MAMDC2: variants seen among roughly 807,000 people sequenced by gnomAD.
MAMDC2 encodes the protein MAM domain containing 2.
In MAMDC2, 57 loss-of-function variants were observed where a neutral mutation model predicts 89.8. The observed-to-expected ratio is 0.63, with a 90% confidence interval of 0.51 to 0.79. MAMDC2 has a LOEUF of 0.79. MAMDC2 is among the 30% of genes least tolerant of loss of function. MAMDC2 has a pLI of 0.00. For missense variants in MAMDC2, 800 were observed against 820.6 expected (o/e 0.97, Z 0.31); for synonymous variants, 313 against 293.4 (o/e 1.07, Z -0.68).
chr9:70,147,472 C>T (rs573552747), intron 9 of MAMDC2, among the ~76,000 whole-genome samples: 1 of 149,904 alleles, frequency 6.7e-6, no homozygotes, highest in East Asian at 1.9e-4. Context: ...CTCTCTTCCT[C>T]GTAATTTTTA....
intron 5 of MAMDC2, among the ~76,000 whole-genome samples, chr9:70,119,867 A>G (rs933820969): frequency 4.6e-5 from 7 of 152,230 alleles, no homozygotes; most frequent in Non-Finnish European, 8.8e-5. Context: ...GCCTCTTGCT[A>G]TTTAATCTAG....
In MAMDC2 at chr9:70,107,181, T is replaced by A. The variant is rs1456656304; in HGVS notation, c.149-1030T>A. Among the ~76,000 whole-genome samples, 13 of 151,842 alleles carry A rather than the reference T, an allele frequency of 8.6e-5. No individual in the cohort carries two copies. The East Asian group carries it at 2.5e-3, about 30-fold the overall frequency. Reference sequence around the variant, plus strand: ...CCCCAAAGACCCACAGGCAATTGGATCATTGACATAGGAAACCAGATGGCC... The same window carrying A: ...CCCCAAAGACCCACAGGCAATTGGAACATTGACATAGGAAACCAGATGGCC... On this transcript the variant is annotated intron_variant, in intron 2 of 13. Transcript: ENST00000377182.
intron 11 of MAMDC2, among the ~76,000 whole-genome samples, chr9:70,207,284 A>G (rs2033247024): frequency 6.6e-6 from 1 of 152,058 alleles, no homozygotes; most frequent in Non-Finnish European, 1.5e-5. Flanking sequence ...CATCCTCTCC[A>G]GCACCTTTTG....
intron 9 of MAMDC2, among the ~76,000 whole-genome samples, chr9:70,158,982 G>T (rs118043570): frequency 0.021 from 3,200 of 151,634 alleles, 39 homozygotes; most frequent in Middle Eastern, 0.065. Flanking sequence ...TCATTGACTG[G>T]AATGTCATTA....
chr9:70,168,481 G>C, intron 9 of MAMDC2: 1 of 448,724 alleles, frequency 2.2e-6, no homozygotes, highest in Non-Finnish European at 4.1e-6. Context: ...GACAGAGCGA[G>C]ACTCCATCTC....
chr9:70,221,356 A>AATATATATAT (rs1215738162), intron 12 of MAMDC2, among the ~76,000 whole-genome samples: 120 of 9,386 alleles, frequency 0.013, 27 homozygotes, highest in Middle Eastern at 0.5. Flanking sequence ...CCAAACAACA[A>AATATATATAT]ATATATATAT....
chr9:70,159,972 G>A (rs890649650), intron 9 of MAMDC2, among the ~76,000 whole-genome samples: 3 of 151,530 alleles, frequency 2.0e-5, no homozygotes, highest in Non-Finnish European at 2.9e-5. Context: ...AGCACTTTGG[G>A]AGGGTGAGGC....
intron 2 of MAMDC2, among the ~76,000 whole-genome samples, chr9:70,059,276 C>T (rs1827093453): frequency 6.6e-6 from 1 of 152,094 alleles, no homozygotes; most frequent in Admixed American, 6.6e-5. Flanking sequence ...TGTCTCTTGA[C>T]CCATGGCATA....
intron 2 of MAMDC2, among the ~76,000 whole-genome samples, chr9:70,098,245 C>T (rs1828077174): frequency 6.6e-6 from 1 of 152,194 alleles, no homozygotes; most frequent in African/African-American, 2.4e-5. Context: ...GGCTCTGTAA[C>T]CCTTTATCTT....
chr9:70,120,399 C>T (rs1185650402), intron 5 of MAMDC2, among the ~76,000 whole-genome samples: 1 of 152,194 alleles, frequency 6.6e-6, no homozygotes, highest in Admixed American at 6.5e-5. Flanking sequence ...CCTTCCTCTA[C>T]CTCTTCCATG....
At chr9:70,217,141 A>T in intron 11 of MAMDC2, 1 of 573,758 alleles carries the variant, frequency 1.7e-6, no homozygotes, top group Non-Finnish European at 3.1e-6. Context: ...CAATTTAAAA[A>T]TATTACAGAA....
chr9:70,214,307 AAG>A (rs2033406990), intron 11 of MAMDC2, among the ~76,000 whole-genome samples: 1 of 152,226 alleles, frequency 6.6e-6, no homozygotes, highest in Non-Finnish European at 1.5e-5. Context: ...TAAAGGAGGT[AAG>A]AGAGTGAGAC....
At chr9:70,092,693 T>G (rs2997685) in intron 2 of MAMDC2, 129,773 of 152,124 alleles carry the variant, frequency 0.85, 55,878 homozygotes, top group Middle Eastern at 0.92. Context: ...AAGACTATTC[T>G]GCCTACCTGG....
chr9:70,207,989 A>G (rs889605942), intron 11 of MAMDC2, among the ~76,000 whole-genome samples: 2 of 152,052 alleles, frequency 1.3e-5, no homozygotes, highest in African/African-American at 4.8e-5. Context: ...CCATTGGTCT[A>G]TATCTCTGTT....
chr9:70,072,258 A>C (rs1827425927), intron 2 of MAMDC2, among the ~76,000 whole-genome samples: 1 of 152,166 alleles, frequency 6.6e-6, no homozygotes, highest in Non-Finnish European at 1.5e-5. Context: ...ACCTCAGCAT[A>C]ACCCGGGAGG....
rs117728144 is a variant in MAMDC2 at position 70,075,088 on chromosome 9, C to T, written c.148+30391C>T. On this transcript the variant is annotated intron_variant, in intron 2 of 13. Coordinates refer to ENST00000377182, the MANE Select transcript of MAMDC2 (RefSeq NM_153267.5). ...CACCCATTATTGAAAGTGTTTACAA[C>T]GTTTAGCTCACTGAATCCTAAAAGC... Among the ~76,000 whole-genome samples, 20 of 152,254 alleles carry T rather than the reference C, an allele frequency of 1.3e-4. No individual in the cohort carries two copies. In the East Asian group the frequency reaches 3.3e-3, roughly 25 times the overall value.
At chr9:70,108,505 A>G (rs759030466) in intron 3 of MAMDC2, 23 bp downstream of exon 3, 2 of 1,551,984 alleles carry the variant, frequency 1.3e-6, no homozygotes, top group Non-Finnish European at 1.7e-6. Context: ...TAGGAGAAAG[A>G]TATAAGGCCT....
chr9:70,164,966 T>C (rs989497259), intron 9 of MAMDC2, among the ~76,000 whole-genome samples: 1 of 133,262 alleles, frequency 7.5e-6, no homozygotes, highest in African/African-American at 2.8e-5. Context: ...ATATTTAATA[T>C]AATATTTAAT....
At chr9:70,148,661 G>A (rs142097239) in intron 9 of MAMDC2, among the ~76,000 whole-genome samples, 10,782 of 149,794 alleles carry the variant, frequency 0.072, 1,008 homozygotes, top group East Asian at 0.22. Context: ...TTGGGAGGCC[G>A]AGACAGGCAT....
Sources: gnomAD v4.1 joint callset for allele counts (sites outside exome capture counted in the v4.1 genomes callset) on GRCh38, gnomAD v4.1.1 for gene constraint, MANE v1.5 for transcripts, NCBI Gene and HGNC (gene_info 2026-07-23, HGNC 2026-07-21) for gene names.